Variants in CUL5 observed in about 807,000 individuals in gnomAD.
CUL5 encodes the protein cullin-5.
CUL5 carries 26 observed loss-of-function variants against 108.8 expected under a neutral mutation model. The observed-to-expected ratio is 0.24, with a 90% confidence interval of 0.18 to 0.33. CUL5 has a LOEUF of 0.33. Among genes scored for constraint, CUL5 ranks in the 10% least tolerant of loss-of-function variants. CUL5 has a pLI of 1.00. For missense variants in CUL5, 524 were observed against 909.2 expected (o/e 0.58, Z 5.45); for synonymous variants, 334 against 298.0 (o/e 1.12, Z -1.25).
In CUL5 at chr11:108,064,286, C is replaced by T. The variant is rs140902042; in HGVS notation, c.781-5810C>T. On this transcript the variant is annotated intron_variant, in intron 7 of 18. Transcript: ENST00000393094. Reference sequence around the variant, plus strand: ...TTCAGCATCAATTGAAATGAACATACGGATTTTGTCTGCCATTCTGTTGAT... The same window carrying T: ...TTCAGCATCAATTGAAATGAACATATGGATTTTGTCTGCCATTCTGTTGAT... Among the ~76,000 whole-genome samples, 9 of 152,268 alleles carry T rather than the reference C, an allele frequency of 5.9e-5. No individual in the cohort carries two copies. In the East Asian group the frequency reaches 7.7e-4, roughly 13 times the overall value.
intron 9 of CUL5, 75 bp from the exon 10 acceptor site, chr11:108,073,311 TAAAA>T: frequency 1.5e-6 from 1 of 675,826 alleles, no homozygotes; most frequent in Non-Finnish European, 2.5e-6. Context: ...TGAGTTTTAT[TAAAA>T]TTATGTTTAT....
intron 17 of CUL5, 95 bp from the exon 18 acceptor site, chr11:108,098,311 C>A: frequency 9.1e-7 from 1 of 1,102,086 alleles, no homozygotes; most frequent in Non-Finnish European, 1.3e-6. Flanking sequence ...GATATTTTAG[C>A]ATATTTTTAA....
chr11:108,082,942 G>A (rs1208905447), intron 11 of CUL5, among the ~76,000 whole-genome samples: 2 of 152,164 alleles, frequency 1.3e-5, no homozygotes, highest in African/African-American at 2.4e-5. Flanking sequence ...TAATTTTTAT[G>A]TGTTGATTTT....
intron 1 of CUL5, among the ~76,000 whole-genome samples, chr11:108,030,236 G>A (rs951741017): frequency 3.3e-5 from 5 of 152,180 alleles, no homozygotes; most frequent in Admixed American, 6.5e-5. Flanking sequence ...AGTTACTTAC[G>A]TGATTCATTT....
At chr11:108,057,735 A>G (rs1863422798) in intron 7 of CUL5, among the ~76,000 whole-genome samples, 1 of 152,176 alleles carries the variant, frequency 6.6e-6, no homozygotes, top group African/African-American at 2.4e-5. Context: ...TAGGAGAAGG[A>G]TATTAGTGGA....
intron 11 of CUL5, among the ~76,000 whole-genome samples, chr11:108,079,365 C>T (rs375171004): frequency 3.3e-5 from 5 of 152,306 alleles, no homozygotes; most frequent in South Asian, 4.1e-4. Context: ...CTCAGCCTCC[C>T]AAAGTGCTGG....
chr11:108,074,335 C>T (rs962164828), intron 10 of CUL5, among the ~76,000 whole-genome samples: 1 of 151,638 alleles, frequency 6.6e-6, no homozygotes, highest in African/African-American at 2.4e-5. Context: ...GCTGGGATTA[C>T]AGGGACCAAC....
chr11:108,017,491 A>G (rs1472433238), intron 1 of CUL5, among the ~76,000 whole-genome samples: 1 of 152,196 alleles, frequency 6.6e-6, no homozygotes, highest in African/African-American at 2.4e-5. Flanking sequence ...CTGACACTAA[A>G]GACATAAAGA....
chr11:108,040,712 A>C (rs1402827826), intron 2 of CUL5, among the ~76,000 whole-genome samples: 1 of 151,664 alleles, frequency 6.6e-6, no homozygotes, highest in Non-Finnish European at 1.5e-5. Flanking sequence ...TGAGCACAGG[A>C]GTTTTAAGTT....
chr11:108,068,940 C>G (rs1018830393), intron 7 of CUL5, among the ~76,000 whole-genome samples: 2 of 152,182 alleles, frequency 1.3e-5, no homozygotes, highest in Non-Finnish European at 2.9e-5. Context: ...AGAGGAGAAT[C>G]TCATTACATT....
chr11:108,032,710 G>T (rs1223543134), intron 1 of CUL5, among the ~76,000 whole-genome samples: 2 of 152,002 alleles, frequency 1.3e-5, no homozygotes, highest in African/African-American at 2.4e-5. Context: ...TATGACACTT[G>T]TTTGATTTGA....
intron 4 of CUL5, among the ~76,000 whole-genome samples, chr11:108,052,052 C>T (rs1863239698): frequency 6.6e-6 from 1 of 152,044 alleles, no homozygotes; most frequent in African/African-American, 2.4e-5. Flanking sequence ...TGCAGCCTTG[C>T]CCTCCTGGAC....
chr11:108,052,532 G>C (rs1324168943), intron 4 of CUL5, 128 bp from the exon 5 acceptor site: 1 of 759,304 alleles, frequency 1.3e-6, no homozygotes, highest in Non-Finnish European at 2.0e-6. Context: ...AAATTGTTGG[G>C]ACTACAGGCG....
At chr11:108,075,055 C>G (rs939624946) in intron 10 of CUL5, among the ~76,000 whole-genome samples, 1 of 152,018 alleles carries the variant, frequency 6.6e-6, no homozygotes, top group African/African-American at 2.4e-5. Flanking sequence ...CAGGATCATT[C>G]TGGCTGTTGT....
At chr11:108,044,920 C>T (rs1291158146) in intron 2 of CUL5, among the ~76,000 whole-genome samples, 2 of 151,838 alleles carry the variant, frequency 1.3e-5, no homozygotes, top group African/African-American at 4.8e-5. Flanking sequence ...CACCACCACG[C>T]CTGGCTAATT....
intron 1 of CUL5, among the ~76,000 whole-genome samples, chr11:108,027,339 T>G (rs906242962): frequency 2.0e-5 from 3 of 151,778 alleles, no homozygotes; most frequent in African/African-American, 7.3e-5. Flanking sequence ...TGGCACAATC[T>G]TGGCTCACTG....
At chr11:108,082,905 G>A (rs73557160) in intron 11 of CUL5, among the ~76,000 whole-genome samples, 2,997 of 152,202 alleles carry the variant, frequency 0.02, 111 homozygotes, top group African/African-American at 0.068. Context: ...AGAATTACAG[G>A]CATGAGCTAC....
At chr11:108,064,098 T>C (rs1277315866) in intron 7 of CUL5, among the ~76,000 whole-genome samples, 1 of 152,204 alleles carries the variant, frequency 6.6e-6, no homozygotes, top group African/African-American at 2.4e-5. Context: ...ATCCTTGTCA[T>C]GTTTGAGATC....
At chr11:108,016,793 C>CA (rs1390171304) in intron 1 of CUL5, among the ~76,000 whole-genome samples, 1 of 151,232 alleles carries the variant, frequency 6.6e-6, no homozygotes, top group African/African-American at 2.4e-5. Context: ...TGTACAAAAA[C>CA]AAACAAAAAA....
Sources: gnomAD v4.1 joint callset for allele counts (sites outside exome capture counted in the v4.1 genomes callset) on GRCh38, gnomAD v4.1.1 for gene constraint, MANE v1.5 for transcripts, NCBI Gene and HGNC (gene_info 2026-07-23, HGNC 2026-07-21) for gene names.